GPATCH2: variants seen among roughly 807,000 people sequenced by gnomAD.
GPATCH2 encodes G patch domain-containing protein 2.
Under a neutral mutation model 58.0 loss-of-function variants are expected in GPATCH2, and 51 were observed. The observed-to-expected ratio is 0.88, with a 90% confidence interval of 0.70 to 1.11. The LOEUF (loss-of-function observed/expected upper bound fraction) is 1.11. GPATCH2 is among the 50% of genes most tolerant of loss of function. The pLI is 0.00. For missense variants in GPATCH2, 625 were observed against 652.2 expected, an observed-to-expected ratio of 0.96 and a Z score of 0.45; for synonymous variants, 222 against 218.5, an observed-to-expected ratio of 1.02 and a Z score of -0.14.
chr1:217,611,775 C>T (rs555958778), intron 3 of GPATCH2, among the ~76,000 whole-genome samples: 1 of 152,246 alleles, frequency 6.6e-6, no homozygotes, highest in East Asian at 1.9e-4. Context: ...TGAAAAGTGA[C>T]AATACCTTAG....
intron 5 of GPATCH2, among the ~76,000 whole-genome samples, chr1:217,585,017 TATA>T (rs1181609976): frequency 2.6e-5 from 4 of 152,110 alleles, no homozygotes; most frequent in African/African-American, 9.7e-5. Flanking sequence ...GATATGTTAA[TATA>T]ATGCATAATA....
intron 5 of GPATCH2, among the ~76,000 whole-genome samples, chr1:217,525,773 C>T (rs772363103): frequency 3.7e-4 from 57 of 152,100 alleles, no homozygotes; most frequent in Non-Finnish European, 7.4e-4. Flanking sequence ...AATGGTGAGA[C>T]TCAGCAAACA....
intron 9 of GPATCH2, among the ~76,000 whole-genome samples, chr1:217,437,023 T>TG (rs1490500754): frequency 6.6e-6 from 1 of 152,040 alleles, no homozygotes; most frequent in Non-Finnish European, 1.5e-5. Flanking sequence ...CATTTCCAGC[T>TG]GAGGTACCTG....
At chr1:217,612,223 C>T (rs1395094173) in intron 3 of GPATCH2, among the ~76,000 whole-genome samples, 1 of 151,728 alleles carries the variant, frequency 6.6e-6, no homozygotes, top group Admixed American at 6.6e-5. Flanking sequence ...CAGAAAGAAA[C>T]AAACAGCATT....
intron 8 of GPATCH2, among the ~76,000 whole-genome samples, chr1:217,461,677 T>C (rs1660204902): frequency 6.6e-6 from 1 of 152,180 alleles, no homozygotes; most frequent in South Asian, 2.1e-4. Context: ...ACAAAACATA[T>C]TTGTTCCATT....
At chr1:217,594,302 G>A (rs1261928079) in intron 5 of GPATCH2, among the ~76,000 whole-genome samples, 1 of 152,002 alleles carries the variant, frequency 6.6e-6, no homozygotes, top group Non-Finnish European at 1.5e-5. Flanking sequence ...TATTTAACAT[G>A]TGAGCTTAAA....
intron 7 of GPATCH2, chr1:217,492,447 GCTTAT>G (rs1177444294): frequency 6.6e-6 from 1 of 152,070 alleles, no homozygotes; most frequent in Non-Finnish European, 1.5e-5. Flanking sequence ...TCAAACTCTA[GCTTAT>G]CTTATTTATG....
chr1:217,628,379 T>C (rs1309253481), intron 1 of GPATCH2, among the ~76,000 whole-genome samples: 1 of 152,048 alleles, frequency 6.6e-6, no homozygotes, highest in Non-Finnish European at 1.5e-5. Context: ...GACATAAATA[T>C]GGATGCTAAG....
At chr1:217,460,651 G>T (rs1660161019) in intron 8 of GPATCH2, among the ~76,000 whole-genome samples, 1 of 152,208 alleles carries the variant, frequency 6.6e-6, no homozygotes, top group African/African-American at 2.4e-5. Flanking sequence ...GGGAGGAGAT[G>T]ACACCTCTCT....
At position 217,491,747 on chromosome 1, in the gene GPATCH2, G is replaced by T; in HGVS notation, c.1210C>A (p.Gln404Lys). The T allele has an allele frequency of 1.5e-6, 2 of 1,360,748 alleles. No homozygotes were observed. The highest frequency in any genetic ancestry group is 2.1e-6 in the Non-Finnish European group (2 of 967,540). The allele number at this position is 1,360,748 out of a possible 1,614,324, so 84.3% of individuals were successfully genotyped here. ...PGARTEHDQH[Q>K]LLRDNRAERG... ...TCAGCTCGATTATCTCTCAGAAGCT[G>T]ATGCTACACAAAGTGTTAAGACAAA... The change falls in exon 8 of 10, where the codon CAG becomes AAG. Residue 404 changes from glutamine to lysine, a missense_variant. Coordinates refer to ENST00000366935, the MANE Select transcript of GPATCH2 (RefSeq NM_018040.5).
At chr1:217,439,258 T>G (rs183356710) in intron 9 of GPATCH2, among the ~76,000 whole-genome samples, 1 of 152,280 alleles carries the variant, frequency 6.6e-6, no homozygotes, top group Admixed American at 6.5e-5. Context: ...AACCTGCTCC[T>G]GAATGACTAC....
chr1:217,623,788 G>A (rs1410121953), intron 1 of GPATCH2, among the ~76,000 whole-genome samples: 1 of 152,002 alleles, frequency 6.6e-6, no homozygotes, highest in African/African-American at 2.4e-5. Context: ...TGTAATCCTA[G>A]CGACTCGGGA....
At chr1:217,520,553 T>C (rs962401850) in intron 5 of GPATCH2, among the ~76,000 whole-genome samples, 5 of 152,228 alleles carry the variant, frequency 3.3e-5, no homozygotes, top group Admixed American at 3.3e-4. Flanking sequence ...CTAGGACCTA[T>C]ATAGTATCGA....
chr1:217,479,522 C>A (rs969830473), intron 8 of GPATCH2, among the ~76,000 whole-genome samples: 35 of 151,760 alleles, frequency 2.3e-4, no homozygotes, highest in Non-Finnish European at 4.6e-4. Flanking sequence ...ACAGATGACA[C>A]AAAAAATAAG....
intron 8 of GPATCH2, among the ~76,000 whole-genome samples, chr1:217,476,393 G>A (rs1660972133): frequency 1.3e-5 from 2 of 152,166 alleles, no homozygotes; most frequent in African/African-American, 4.8e-5. Flanking sequence ...TCTACACAAA[G>A]AAAGCTCATT....
chr1:217,480,679 A>G (rs1661173581), intron 8 of GPATCH2, among the ~76,000 whole-genome samples: 1 of 152,196 alleles, frequency 6.6e-6, no homozygotes, highest in African/African-American at 2.4e-5. Flanking sequence ...TATCAAAGAG[A>G]TACCTGCACT....
intron 9 of GPATCH2, among the ~76,000 whole-genome samples, chr1:217,446,337 C>G (rs895797025): frequency 6.6e-6 from 1 of 152,054 alleles, no homozygotes; most frequent in Non-Finnish European, 1.5e-5. Flanking sequence ...ATAACTAACT[C>G]TTTATTATGT....
chr1:217,497,699 A>G (rs1230480461), intron 7 of GPATCH2, among the ~76,000 whole-genome samples: 1 of 152,192 alleles, frequency 6.6e-6, no homozygotes, highest in Non-Finnish European at 1.5e-5. Flanking sequence ...AATAACTTTT[A>G]TCATTCACAA....
intron 8 of GPATCH2, 48 bp from the exon 9 acceptor site, chr1:217,449,385 C>T (rs554221242): frequency 7.9e-6 from 8 of 1,016,836 alleles, no homozygotes; most frequent in Non-Finnish European, 1.3e-5. Context: ...GAAAAAATGA[C>T]ACATAAATAC....
Sources: gnomAD v4.1 joint callset for allele counts (sites outside exome capture counted in the v4.1 genomes callset) on GRCh38, gnomAD v4.1.1 for gene constraint, MANE v1.5 for transcripts, NCBI Gene and HGNC (gene_info 2026-07-23, HGNC 2026-07-21) for gene names.